CCDC148: variants seen among roughly 807,000 people sequenced by gnomAD.
CCDC148 encodes coiled-coil domain-containing protein 148.
Under a neutral mutation model 85.7 loss-of-function variants are expected in CCDC148, and 89 were observed. The ratio of observed to expected loss-of-function variants is 1.04; its 90% CI spans 0.87 to 1.24. CCDC148 has a LOEUF of 1.24. Ranked by LOEUF, CCDC148 falls within the 50% of genes most tolerant of loss-of-function variation. The pLI is 0.00. For synonymous variants in CCDC148, 230 were observed against 213.9 expected, an observed-to-expected ratio of 1.08 and a Z score of -0.66; for missense variants, 692 against 671.7, an observed-to-expected ratio of 1.03 and a Z score of -0.33.
At chr2:158,312,540 C>T (rs1454595183) in intron 8 of CCDC148, among the ~76,000 whole-genome samples, 1 of 133,954 alleles carries the variant, frequency 7.5e-6, no homozygotes, top group Non-Finnish European at 1.5e-5. Context: ...CAAGATCGCA[C>T]CACTGCACTC....
chr2:158,368,890 GT>G (rs528152934), intron 1 of CCDC148, among the ~76,000 whole-genome samples: 5 of 151,684 alleles, frequency 3.3e-5, no homozygotes, highest in Admixed American at 6.6e-5. Flanking sequence ...TAAGGAGGCA[GT>G]TTTTTTTAAC....
chr2:158,280,834 G>T (rs1690249557), intron 9 of CCDC148, among the ~76,000 whole-genome samples: 4 of 152,034 alleles, frequency 2.6e-5, no homozygotes, highest in Non-Finnish European at 5.9e-5. Flanking sequence ...ATTTTTTTCA[G>T]CACCACACCA....
intron 2 of CCDC148, among the ~76,000 whole-genome samples, chr2:158,353,861 A>C (rs1021338241): frequency 6.6e-6 from 1 of 152,164 alleles, no homozygotes; most frequent in Non-Finnish European, 1.5e-5. Flanking sequence ...AAAGAACAGA[A>C]ATTATAACAA....
At chr2:158,200,086 A>C (rs1685879279) in intron 11 of CCDC148, among the ~76,000 whole-genome samples, 1 of 152,192 alleles carries the variant, frequency 6.6e-6, no homozygotes, top group African/African-American at 2.4e-5. Context: ...GGTCCAAAAA[A>C]AATCAGCTGC....
intron 11 of CCDC148, among the ~76,000 whole-genome samples, chr2:158,180,285 T>C (rs190412919): frequency 2.0e-5 from 3 of 152,328 alleles, no homozygotes; most frequent in African/African-American, 7.2e-5. Context: ...GTGCTTTATA[T>C]GTTTTAGGTC....
At chr2:158,397,701 C>T (rs1410349584) in intron 1 of CCDC148, among the ~76,000 whole-genome samples, 2 of 152,138 alleles carry the variant, frequency 1.3e-5, no homozygotes, top group African/African-American at 2.4e-5. Flanking sequence ...ACCATAGACA[C>T]TATGAAGAAA....
chr2:158,389,423 C>A lies in CCDC148; in HGVS notation c.26-30853G>T, dbSNP rs138483344. 2.5e-3 allele frequency among the ~76,000 whole-genome samples: 378 copies of A among 152,244 alleles called. 2 individuals carry two copies. Among genetic ancestry groups the A allele is most frequent in the African/African-American group, 8.6e-3 (359 of 41,562 alleles). On this transcript the variant is annotated intron_variant, in intron 1 of 13. Coordinates refer to ENST00000283233, the MANE Select transcript of CCDC148 (RefSeq NM_138803.4). ...TGACAGAATTCATGCTAATTTACTG[C>A]AAAACATGACAAAACTGTGATAAAG... is the stretch of plus-strand genomic sequence containing the variant.
chr2:158,182,504 G>A (rs1468987145), intron 11 of CCDC148, among the ~76,000 whole-genome samples: 4 of 152,090 alleles, frequency 2.6e-5, no homozygotes, highest in Admixed American at 2.0e-4. Context: ...TGGATGAGGT[G>A]AGGTAAGGCA....
At chr2:158,330,729 T>G (rs979504204) in intron 7 of CCDC148, among the ~76,000 whole-genome samples, 1 of 152,178 alleles carries the variant, frequency 6.6e-6, no homozygotes, top group African/African-American at 2.4e-5. Context: ...CTTCCTGGTT[T>G]AGTTTTGGGA....
At chr2:158,374,176 GA>G (rs1414896555) in intron 1 of CCDC148, among the ~76,000 whole-genome samples, 2 of 152,042 alleles carry the variant, frequency 1.3e-5, no homozygotes, top group South Asian at 2.1e-4. Context: ...AAGTGAGGAA[GA>G]AAACACATGC....
intron 10 of CCDC148, among the ~76,000 whole-genome samples, chr2:158,248,482 C>T (rs1688660305): frequency 6.6e-6 from 1 of 152,022 alleles, no homozygotes; most frequent in African/African-American, 2.4e-5. Flanking sequence ...TACACAATTG[C>T]TAGGGTTTGA....
At chr2:158,446,761 A>G (rs1559151122) in intron 1 of CCDC148, among the ~76,000 whole-genome samples, 1 of 152,160 alleles carries the variant, frequency 6.6e-6, no homozygotes, top group Admixed American at 6.5e-5. Context: ...AGTCATAACC[A>G]CTTGTATTAA....
chr2:158,298,604 TC>T (rs1174520788), intron 9 of CCDC148, among the ~76,000 whole-genome samples: 1 of 152,190 alleles, frequency 6.6e-6, no homozygotes, highest in African/African-American at 2.4e-5. Flanking sequence ...TGGCTTGTCT[TC>T]AAGGTCACTA....
chr2:158,367,330 C>T (rs890030047), intron 1 of CCDC148, among the ~76,000 whole-genome samples: 1 of 152,136 alleles, frequency 6.6e-6, no homozygotes, highest in African/African-American at 2.4e-5. Context: ...TTTAATTCTG[C>T]CATCCATAGC....
rs201368736 is a variant in CCDC148, at chr2:158,352,062, A to G, written c.147+6387T>C. On this transcript the variant is annotated intron_variant, in intron 2 of 13. Transcript: ENST00000283233. ...AACAAACAGAAAGGACATCCACACC[A>G]AAAACCCATCTGTACATCACCATCA... Among the ~76,000 whole-genome samples, 344 of 142,492 alleles carry G rather than the reference A, an allele frequency of 2.4e-3. 6 individuals carry two copies. The East Asian group carries it at 0.041, about 17-fold the overall frequency. The allele number at this position is 142,492 out of a possible 152,430, so 93.5% of individuals were successfully genotyped here.
intron 7 of CCDC148, among the ~76,000 whole-genome samples, chr2:158,328,085 T>C (rs1692878926): frequency 6.6e-6 from 1 of 152,084 alleles, no homozygotes; most frequent in South Asian, 2.1e-4. Flanking sequence ...CATGTATGTA[T>C]ACATGTGCAA....
intron 11 of CCDC148, among the ~76,000 whole-genome samples, chr2:158,213,645 T>C (rs984577388): frequency 6.6e-6 from 1 of 152,166 alleles, no homozygotes; most frequent in Non-Finnish European, 1.5e-5. Context: ...TCACTGATAA[T>C]AGAAAGCAGT....
At chr2:158,276,077 C>G (rs1430356685) in intron 9 of CCDC148, among the ~76,000 whole-genome samples, 1 of 151,952 alleles carries the variant, frequency 6.6e-6, no homozygotes, top group Non-Finnish European at 1.5e-5. Flanking sequence ...ATTTATATGA[C>G]TTGGAGCTTT....
chr2:158,336,574 C>T (rs938050535), intron 7 of CCDC148, among the ~76,000 whole-genome samples: 13 of 152,186 alleles, frequency 8.5e-5, no homozygotes, highest in African/African-American at 2.4e-4. Context: ...AAGTTTTATT[C>T]AATAAATATT....
Sources: gnomAD v4.1 joint callset for allele counts (sites outside exome capture counted in the v4.1 genomes callset) on GRCh38, gnomAD v4.1.1 for gene constraint, MANE v1.5 for transcripts, NCBI Gene and HGNC (gene_info 2026-07-23, HGNC 2026-07-21) for gene names.